The following TCF4 variants were observed in gnomAD, a reference collection of about 807,000 sequenced individuals.
TCF4 encodes the protein transcription factor 4.
TCF4 carries 3 observed loss-of-function variants against 82.1 expected under a neutral mutation model. The ratio of observed to expected loss-of-function variants is 0.04; its 90% confidence interval spans 0.02 to 0.09. TCF4 has a LOEUF of 0.09. Among genes scored for constraint, TCF4 ranks in the 10% least tolerant of loss-of-function variants. The probability of loss-of-function intolerance (pLI) is 1.00; values close to 1 mark genes in which losing one functional copy is unlikely to be tolerated. For synonymous variants in TCF4, 276 were observed against 309.6 expected, an observed-to-expected ratio of 0.89 and a Z score of 1.14; for missense variants, 518 against 852.7, an observed-to-expected ratio of 0.61 and a Z score of 4.89.
intron 3 of TCF4, among the ~76,000 whole-genome samples, chr18:55,580,872 C>G (rs2097569399): frequency 6.6e-6 from 1 of 151,770 alleles, no homozygotes; most frequent in African/African-American, 2.4e-5. Flanking sequence ...ACATCTGTCT[C>G]TGTTTCCTCA....
At chr18:55,489,883 G>A (rs1009228125) in intron 3 of TCF4, among the ~76,000 whole-genome samples, 2 of 152,126 alleles carry the variant, frequency 1.3e-5, no homozygotes, top group South Asian at 2.1e-4. Context: ...ATCCCGGCTC[G>A]GTGATGAAAA....
intron 3 of TCF4, among the ~76,000 whole-genome samples, chr18:55,489,747 G>T (rs1488661013): frequency 1.3e-5 from 2 of 152,114 alleles, no homozygotes; most frequent in Non-Finnish European, 2.9e-5. Flanking sequence ...AATCCTCAAC[G>T]TTGCTTTCAA....
At chr18:55,553,248 C>T (rs1423867337) in intron 3 of TCF4, 3 of 152,174 alleles carry the variant, frequency 2.0e-5, no homozygotes, top group Non-Finnish European at 4.4e-5. Flanking sequence ...TGGTTTTGTT[C>T]ACTAGACTTC....
At chr18:55,228,737 G>GAT in intron 18 of TCF4, 110 bp downstream of exon 18, 3 of 1,119,316 alleles carry the variant, frequency 2.7e-6, no homozygotes, top group Non-Finnish European at 1.3e-6. Context: ...TCTTTGGAAT[G>GAT]ATGCTTGAAA....
chr18:55,245,734 C>T (rs934885027), intron 15 of TCF4, among the ~76,000 whole-genome samples: 3 of 152,148 alleles, frequency 2.0e-5, no homozygotes, highest in Non-Finnish European at 4.4e-5. Flanking sequence ...TATGTGGACT[C>T]GAATATGAGC....
At chr18:55,368,542 TAAGA>T (rs917652875) in intron 6 of TCF4, among the ~76,000 whole-genome samples, 6 of 152,322 alleles carry the variant, frequency 3.9e-5, no homozygotes, top group Middle Eastern at 6.8e-3. Context: ...CACAGTGTTT[TAAGA>T]AAGTTTTCAA....
At chr18:55,435,041 ACT>A (rs1372354709) in intron 5 of TCF4, among the ~76,000 whole-genome samples, 1 of 151,828 alleles carries the variant, frequency 6.6e-6, no homozygotes, top group African/African-American at 2.4e-5. Flanking sequence ...CATTCTTCCA[ACT>A]CTTTTTTGGT....
At chr18:55,437,708 C>A (rs369813461) in intron 5 of TCF4, among the ~76,000 whole-genome samples, 3 of 152,170 alleles carry the variant, frequency 2.0e-5, no homozygotes, top group Non-Finnish European at 4.4e-5. Flanking sequence ...ATCTCACAGA[C>A]GGAGCCCAGG....
chr18:55,388,635 A>G (rs993281344), intron 6 of TCF4, among the ~76,000 whole-genome samples: 2 of 152,136 alleles, frequency 1.3e-5, no homozygotes, highest in African/African-American at 4.8e-5. Flanking sequence ...AGCTGGAACC[A>G]TCTATGAAAA....
intron 5 of TCF4, among the ~76,000 whole-genome samples, chr18:55,458,364 C>G (rs1023950718): frequency 3.3e-5 from 5 of 152,226 alleles, no homozygotes; most frequent in Non-Finnish European, 2.9e-5. Context: ...CTAAAGTCTA[C>G]TACCTTCTTT....
At chr18:55,393,275 G>T (rs1340286800) in intron 6 of TCF4, among the ~76,000 whole-genome samples, 1 of 152,128 alleles carries the variant, frequency 6.6e-6, no homozygotes, top group Non-Finnish European at 1.5e-5. Context: ...GAGGAGGGAG[G>T]ATTGCTTGAG....
chr18:55,295,202 T>C (rs1430154826), intron 8 of TCF4, among the ~76,000 whole-genome samples: 1 of 152,206 alleles, frequency 6.6e-6, no homozygotes, highest in Non-Finnish European at 1.5e-5. Context: ...TTGCATGTGT[T>C]GTACCATGTG....
intron 8 of TCF4, chr18:55,302,320 TG>T (rs2068579302): frequency 7.1e-6 from 8 of 1,128,822 alleles, no homozygotes; most frequent in Non-Finnish European, 1.0e-5. Flanking sequence ...GCAAAGCAAA[TG>T]GGTAACATAC....
chr18:55,411,724 A>C (rs979561918), intron 5 of TCF4, among the ~76,000 whole-genome samples: 2 of 151,946 alleles, frequency 1.3e-5, no homozygotes, highest in African/African-American at 4.8e-5. Context: ...AGAGTCTGGC[A>C]TTCTCTCTTT....
At chr18:55,509,205 C>T (rs986994222) in intron 3 of TCF4, among the ~76,000 whole-genome samples, 3 of 152,090 alleles carry the variant, frequency 2.0e-5, no homozygotes, top group African/African-American at 7.2e-5. Context: ...GAGTACTAGA[C>T]ACAGGGCAGG....
intron 3 of TCF4, among the ~76,000 whole-genome samples, chr18:55,546,090 C>T (rs184497653): frequency 1.9e-3 from 293 of 152,214 alleles, no homozygotes; most frequent in Admixed American, 3.9e-3. Flanking sequence ...AATCTCAGCA[C>T]TTTGGGAGGC....
At chr18:55,437,955 C>T (rs2095363262) in intron 5 of TCF4, among the ~76,000 whole-genome samples, 2 of 152,312 alleles carry the variant, frequency 1.3e-5, no homozygotes, top group Middle Eastern at 6.8e-3. Context: ...AATCCCAGCA[C>T]TTTCGGAGGC....
chr18:55,337,953 T>C (rs1344570389), intron 8 of TCF4, among the ~76,000 whole-genome samples: 2 of 151,838 alleles, frequency 1.3e-5, no homozygotes, highest in Non-Finnish European at 2.9e-5. Flanking sequence ...GTCAACTGTA[T>C]GAGGAAGCAC....
At chr18:55,591,620 C>T (rs979688292), upstream of TCF4, among the ~76,000 whole-genome samples, 5 of 152,142 alleles carry the variant, frequency 3.3e-5, no homozygotes, top group African/African-American at 7.2e-5. Flanking sequence ...CAGGTTCAAG[C>T]GATTCTCCTG....
Sources: gnomAD v4.1 joint callset for allele counts (sites outside exome capture counted in the v4.1 genomes callset) on GRCh38, gnomAD v4.1.1 for gene constraint, MANE v1.5 for transcripts, NCBI Gene and HGNC (gene_info 2026-07-23, HGNC 2026-07-21) for gene names.